The following PDE2A variants were observed in gnomAD, a reference collection of about 807,000 sequenced individuals.
PDE2A encodes cGMP-dependent 3',5'-cyclic phosphodiesterase.
In PDE2A, 53 loss-of-function variants were observed where a neutral mutation model predicts 133.6. The observed-to-expected ratio is 0.40, with a 90% CI of 0.32 to 0.50. PDE2A has a LOEUF of 0.50. PDE2A is among the 20% of genes least tolerant of loss of function. The pLI is 0.73. For missense variants in PDE2A, 796 were observed against 1,232.4 expected (o/e 0.65, Z 5.30); for synonymous variants, 491 against 490.2 (o/e 1.00, Z -0.02).
rs139665700 is a variant in PDE2A, at chr11:72,617,611, G to A, written c.145-8860C>T. Among the ~76,000 whole-genome samples the A allele has an allele frequency of 6.5e-3, 992 of 152,332 alleles. 5 individuals are homozygous for A. Among genetic ancestry groups the A allele is most frequent in the Non-Finnish European group, 9.9e-3 (675 of 68,024 alleles). ...ATCCCAGCTGTTCCCCAAACCCCAG[G>A]GGGAGGGGGAAAGTGGAAGTATGAG... On this transcript the variant is annotated intron_variant, in intron 2 of 30. Coordinates refer to ENST00000334456, the MANE Select transcript of PDE2A (RefSeq NM_002599.5).
intron 1 of PDE2A, among the ~76,000 whole-genome samples, chr11:72,673,769 T>A (rs1331627588): frequency 6.7e-6 from 1 of 150,232 alleles, no homozygotes; most frequent in Non-Finnish European, 1.5e-5. Flanking sequence ...TGAACCAGCC[T>A]ATTGCAGCCC....
chr11:72,620,359 G>A (rs994573892), intron 2 of PDE2A, among the ~76,000 whole-genome samples: 32 of 152,140 alleles, frequency 2.1e-4, no homozygotes, highest in African/African-American at 7.5e-4. Flanking sequence ...AAGGGGGACT[G>A]ACCAGAGCTG....
intron 20 of PDE2A, 22 bp downstream of exon 20, chr11:72,583,416 C>CAG (rs1215413881): frequency 1.6e-5 from 25 of 1,554,706 alleles, no homozygotes; most frequent in Non-Finnish European, 2.2e-5. Flanking sequence ...GGAGGAGGAC[C>CAG]AGAGGTCTCT....
rs1857342862 is a variant in PDE2A, at chr11:72,614,008, C to T, written c.145-5257G>A. Among the ~76,000 whole-genome samples the T allele has an allele frequency of 1.3e-5, 2 of 152,370 alleles. 1 individual carries two copies. Among genetic ancestry groups the T allele is most frequent in the Middle Eastern group, 6.8e-3 (2 of 294 alleles). On this transcript the variant is annotated intron_variant, in intron 2 of 30. Coordinates refer to ENST00000334456, the MANE Select transcript of PDE2A (RefSeq NM_002599.5). ...TGCCCCAAAGGAGGCATCCTGTAGG[C>T]TCAGACCAGAGAAGCCCGCTTCAGC... is the stretch of plus-strand genomic sequence containing the variant.
intron 20 of PDE2A, 84 bp downstream of exon 20, chr11:72,583,354 A>C: frequency 1.1e-6 from 1 of 948,252 alleles, no homozygotes; most frequent in Non-Finnish European, 1.7e-6. Flanking sequence ...TCTCATCCTC[A>C]GTAGAGATTG....
chr11:72,637,920 G>A (rs1437959238), intron 2 of PDE2A, among the ~76,000 whole-genome samples: 1 of 152,184 alleles, frequency 6.6e-6, no homozygotes, highest in African/African-American at 2.4e-5. Flanking sequence ...ATGGGCAGAA[G>A]GAGTAAAGAA....
intron 2 of PDE2A, among the ~76,000 whole-genome samples, chr11:72,628,579 T>A (rs567943939): frequency 6.6e-6 from 1 of 152,318 alleles, no homozygotes; most frequent in South Asian, 2.1e-4. Context: ...TCCACCTGCC[T>A]TGGCCTCCCA....
At chr11:72,606,751 C>T (rs75694174) in intron 3 of PDE2A, among the ~76,000 whole-genome samples, 4,508 of 152,088 alleles carry the variant, frequency 0.03, 222 homozygotes, top group African/African-American at 0.1. Flanking sequence ...AGAGACCAGC[C>T]GGGGTTACAC....
At chr11:72,619,062 A>G (rs1005491855) in intron 2 of PDE2A, among the ~76,000 whole-genome samples, 1 of 152,066 alleles carries the variant, frequency 6.6e-6, no homozygotes, top group Non-Finnish European at 1.5e-5. Flanking sequence ...GCACACACAC[A>G]CACACACACG....
intron 14 of PDE2A, 84 bp from the exon 15 acceptor site, chr11:72,585,677 G>A: frequency 2.5e-6 from 3 of 1,213,386 alleles, no homozygotes; most frequent in Non-Finnish European, 3.6e-6. Context: ...CAGCACCCGG[G>A]TCTTCTCCTT....
chr11:72,580,357 C>T (rs1855665502), intron 25 of PDE2A, among the ~76,000 whole-genome samples: 1 of 152,064 alleles, frequency 6.6e-6, no homozygotes, highest in Non-Finnish European at 1.5e-5. Context: ...TCCCAGGCAG[C>T]CAAAGGGAAA....
intron 1 of PDE2A, among the ~76,000 whole-genome samples, chr11:72,669,362 C>T (rs1411574679): frequency 3.9e-5 from 6 of 152,138 alleles, no homozygotes; most frequent in African/African-American, 7.2e-5. Flanking sequence ...TTCTGCTGCA[C>T]CAAGCCCCAG....
intron 24 of PDE2A, 111 bp from the exon 25 acceptor site, chr11:72,580,735 C>T: frequency 9.4e-7 from 1 of 1,065,910 alleles, no homozygotes; most frequent in Non-Finnish European, 1.4e-6. Context: ...CTCCCTATCT[C>T]AGAGCCAGGG....
Position 72,579,336 on chromosome 11 carries a change from T to G in PDE2A, c.2304A>C (p.Thr768=), listed in dbSNP as rs770755144. The G allele has an allele frequency of 1.2e-6, 2 of 1,613,942 alleles. No homozygotes were observed. Among genetic ancestry groups the G allele is most frequent in the South Asian group, 2.2e-5 (2 of 91,086 alleles). ...AGATGCGGAGATGGTGGGCCAGGTC[T>G]GTGGCCAAGATGATGTCCCGCATCA... is the stretch of plus-strand genomic sequence containing the variant. ...LDLMRDIILA[T]DLAHHLRIFK... Residue 768 remains threonine, a synonymous_variant, in exon 27 of 31, where the codon ACA becomes ACC. Coordinates refer to ENST00000334456, the MANE Select transcript of PDE2A (RefSeq NM_002599.5).
At chr11:72,634,501 G>A (rs941439436) in intron 2 of PDE2A, among the ~76,000 whole-genome samples, 1 of 152,204 alleles carries the variant, frequency 6.6e-6, no homozygotes, top group African/African-American at 2.4e-5. Flanking sequence ...ACCAGGGCCA[G>A]CTTTGGTCTG....
chr11:72,632,642 C>T (rs1015565843), intron 2 of PDE2A, among the ~76,000 whole-genome samples: 2 of 152,134 alleles, frequency 1.3e-5, no homozygotes, highest in Non-Finnish European at 2.9e-5. Context: ...CAGGGCTGTC[C>T]CTTTTATCCA....
chr11:72,582,098 C>T (rs1855750323), intron 21 of PDE2A, 151 bp from the exon 22 acceptor site: 2 of 660,600 alleles, frequency 3.0e-6, no homozygotes, highest in Non-Finnish European at 5.4e-6. Flanking sequence ...AGCAACCGTT[C>T]TCGGAGCTAT....
At chr11:72,585,978 A>G (rs1322561487) in intron 14 of PDE2A, 92 bp downstream of exon 14, 1 of 791,450 alleles carries the variant, frequency 1.3e-6, no homozygotes, top group African/African-American at 1.7e-5. Flanking sequence ...CCACCAGTCC[A>G]GAAAGACATG....
intron 4 of PDE2A, among the ~76,000 whole-genome samples, chr11:72,603,378 G>C (rs1856839535): frequency 6.6e-6 from 1 of 152,164 alleles, no homozygotes; most frequent in African/African-American, 2.4e-5. Flanking sequence ...CCAAGGATCT[G>C]AGCCCTCTCA....
Sources: allele counts gnomAD v4.1 joint callset (sites outside exome capture counted in the v4.1 genomes callset), GRCh38; gene constraint gnomAD v4.1.1; transcripts MANE v1.5; gene names NCBI Gene and HGNC (gene_info 2026-07-23, HGNC 2026-07-21).